The following TXNRD1 variants were observed in gnomAD, a reference collection of about 807,000 sequenced individuals.
TXNRD1 encodes thioredoxin reductase 1, also known as thioredoxin reductase 1, cytoplasmic.
In TXNRD1, 57 loss-of-function variants were observed where a neutral mutation model predicts 80.3. The observed-to-expected ratio is 0.71, with a 90% confidence interval of 0.57 to 0.89. The LOEUF (loss-of-function observed/expected upper bound fraction) is 0.89. TXNRD1 is among the 40% of genes least tolerant of loss of function. TXNRD1 has a pLI of 0.00. For synonymous variants in TXNRD1, 291 were observed against 285.2 expected (o/e 1.02, Z -0.20); for missense variants, 730 against 803.0 (o/e 0.91, Z 1.10).
At chr12:104,333,333 G>T (rs1482791381) in intron 14 of TXNRD1, among the ~76,000 whole-genome samples, 1 of 151,608 alleles carries the variant, frequency 6.6e-6, no homozygotes, top group South Asian at 2.1e-4. Flanking sequence ...TTTAAAATTT[G>T]CTTTGTTATT....
intron 3 of TXNRD1, chr12:104,265,545 G>A (rs1181844749): frequency 2.5e-6 from 4 of 1,609,436 alleles, no homozygotes; most frequent in African/African-American, 2.7e-5. Context: ...AGAACTTCAG[G>A]ATCTGGCTGC....
intron 14 of TXNRD1, among the ~76,000 whole-genome samples, chr12:104,332,720 G>C (rs1332736845): frequency 1.6e-5 from 2 of 124,088 alleles, no homozygotes; most frequent in African/African-American, 6.4e-5. Flanking sequence ...TTGCACTCCA[G>C]CCTGGGCAAC....
At chr12:104,239,023 C>A (rs571242485) in intron 1 of TXNRD1, among the ~76,000 whole-genome samples, 1 of 151,000 alleles carries the variant, frequency 6.6e-6, no homozygotes, top group Non-Finnish European at 1.5e-5. Context: ...ATGTGATGCC[C>A]TTGTCTGGTT....
At chr12:104,288,836 G>C in intron 3 of TXNRD1, 95 bp from the exon 4 acceptor site, 1 of 1,610,122 alleles carries the variant, frequency 6.2e-7, no homozygotes, top group Non-Finnish European at 8.5e-7. Flanking sequence ...CGGTGCCTGC[G>C]GGGCCGGGAC....
chr12:104,298,480 C>T (rs951586562), intron 4 of TXNRD1, among the ~76,000 whole-genome samples: 1 of 152,088 alleles, frequency 6.6e-6, no homozygotes, highest in Non-Finnish European at 1.5e-5. Flanking sequence ...AATCCCAGCA[C>T]TTTGGGAGGC....
intron 16 of TXNRD1, among the ~76,000 whole-genome samples, chr12:104,342,408 C>T (rs2135892614): frequency 6.6e-6 from 1 of 152,242 alleles, no homozygotes; most frequent in East Asian, 1.9e-4. Flanking sequence ...AGCTCCCTTG[C>T]CAGGAACCAG....
chr12:104,249,951 A>AAAG (rs1211253251), intron 1 of TXNRD1, among the ~76,000 whole-genome samples: 1 of 151,588 alleles, frequency 6.6e-6, no homozygotes. Flanking sequence ...AAAAAAAAAA[A>AAAG]AAAAGTGAAA....
At chr12:104,301,617 G>A (rs554234371) in intron 4 of TXNRD1, among the ~76,000 whole-genome samples, 4 of 152,356 alleles carry the variant, frequency 2.6e-5, no homozygotes, top group South Asian at 4.1e-4. Flanking sequence ...GATTACAGGC[G>A]TGAGCCACCG....
chr12:104,253,619 T>TC (rs1382899578), intron 2 of TXNRD1, among the ~76,000 whole-genome samples: 1 of 152,006 alleles, frequency 6.6e-6, no homozygotes, highest in Admixed American at 6.6e-5. Flanking sequence ...CTACTGCCCC[T>TC]CCCCCGCACC....
chr12:104,321,069 C>CTT (rs80130284), intron 9 of TXNRD1, 22 bp from the exon 10 acceptor site: 3,821 of 1,292,686 alleles, frequency 3.0e-3, no homozygotes, highest in South Asian at 5.5e-3. Context: ...TTCTTTCTTC[C>CTT]TTTTTTTTTT....
chr12:104,284,355 G>A (rs757759369), intron 3 of TXNRD1: 5 of 152,228 alleles, frequency 3.3e-5, no homozygotes, highest in East Asian at 1.9e-4. Flanking sequence ...ATGTCAACGC[G>A]ACTGAGAAGC....
intron 1 of TXNRD1, among the ~76,000 whole-genome samples, chr12:104,219,797 A>T (rs749552435): frequency 3.3e-5 from 5 of 151,178 alleles, no homozygotes; most frequent in Non-Finnish European, 5.9e-5. Context: ...TTTTTTTTTA[A>T]TAAGTGAGGA....
At chr12:104,326,840 A>G (rs967728792) in intron 12 of TXNRD1, among the ~76,000 whole-genome samples, 2 of 150,166 alleles carry the variant, frequency 1.3e-5, no homozygotes, top group Non-Finnish European at 3.0e-5. Context: ...TTTTGTTGGT[A>G]TGTTTGTTTT....
intron 4 of TXNRD1, among the ~76,000 whole-genome samples, chr12:104,299,232 C>T (rs1184629034): frequency 2.0e-5 from 3 of 152,000 alleles, no homozygotes; most frequent in African/African-American, 4.8e-5. Flanking sequence ...GTAGTATTCC[C>T]GTCTTATAAA....
chr12:104,327,549 A>G lies in TXNRD1; in HGVS notation c.1420A>G (p.Thr474Ala). The stretch of plus-strand genomic sequence containing the variant: ...AATACCTGTCACAGATGAAGAACAG[A>G]CCAATGTGCCTTACATCTATGCCAT... ...GKIPVTDEEQ[T>A]NVPYIYAIGD... Residue 474 changes from threonine to alanine, a missense_variant, in exon 13 of 17, where the codon ACC (threonine) becomes GCC (alanine). By Grantham distance (58) the Thr-to-Ala change is moderately conservative. Transcript: ENST00000525566. 6.8e-6 allele frequency: 11 copies of G among 1,613,674 alleles called. No homozygotes were observed. The highest frequency in any genetic ancestry group is 9.3e-6 in the Non-Finnish European group (11 of 1,179,782).
chr12:104,261,196 T>C (rs2033361793), intron 3 of TXNRD1, among the ~76,000 whole-genome samples: 1 of 151,978 alleles, frequency 6.6e-6, no homozygotes, highest in East Asian at 1.9e-4. Context: ...GGAGTTTTGC[T>C]CTTGTTGCCC....
At chr12:104,287,185 C>A in intron 3 of TXNRD1, 1 of 1,577,466 alleles carries the variant, frequency 6.3e-7, no homozygotes, top group East Asian at 2.3e-5. Flanking sequence ...GGCCTGCCGG[C>A]GGGGACGACA....
intron 3 of TXNRD1, among the ~76,000 whole-genome samples, chr12:104,272,885 A>T (rs1210826288): frequency 6.6e-6 from 1 of 151,890 alleles, no homozygotes; most frequent in Non-Finnish European, 1.5e-5. Flanking sequence ...ACTCATATCT[A>T]ACACTGAGGC....
At position 104,254,039 on chromosome 12, in the gene TXNRD1, C is replaced by T. The variant is rs544234013; in HGVS notation, c.243+2361C>T. ...AATTACGTGCTTGTCTAGTCTTTTT[C>T]GTTACCAAACAGGTTAAGAGCCTGG... On this transcript the variant is annotated intron_variant, in intron 2 of 16. Coordinates refer to ENST00000525566, the MANE Select transcript of TXNRD1 (RefSeq NM_001093771.3). 4.6e-5 allele frequency among the ~76,000 whole-genome samples: 7 copies of T among 152,226 alleles called. No homozygotes were observed. The East Asian group carries it at 5.8e-4, about 13-fold the overall frequency.
Sources: gnomAD v4.1 joint callset for allele counts (sites outside exome capture counted in the v4.1 genomes callset) on GRCh38, gnomAD v4.1.1 for gene constraint, MANE v1.5 for transcripts, NCBI Gene and HGNC (gene_info 2026-07-23, HGNC 2026-07-21) for gene names.